Variants in TSNARE1 observed in about 807,000 individuals in gnomAD.
TSNARE1 encodes t-SNARE domain-containing protein 1.
TSNARE1 carries 49 observed loss-of-function variants against 62.0 expected under a neutral mutation model. The ratio of observed to expected loss-of-function variants is 0.79; its 90% CI spans 0.63 to 1.00. The LOEUF is 1.00. Ranked by LOEUF, TSNARE1 falls within the 50% of genes least tolerant of loss-of-function variation. TSNARE1 has a pLI of 0.00. For missense variants in TSNARE1, 755 were observed against 700.1 expected, an observed-to-expected ratio of 1.08 and a Z score of -0.88; for synonymous variants, 328 against 294.4, an observed-to-expected ratio of 1.11 and a Z score of -1.17.
chr8:142,312,432 AG>A (rs1827746614), intron 9 of TSNARE1, among the ~76,000 whole-genome samples: 1 of 152,152 alleles, frequency 6.6e-6, no homozygotes, highest in East Asian at 1.9e-4. Context: ...CTGTCTTTGG[AG>A]AGACAACATA....
intron 2 of TSNARE1, among the ~76,000 whole-genome samples, chr8:142,354,272 G>C (rs535449041): frequency 6.6e-6 from 1 of 152,126 alleles, no homozygotes; most frequent in South Asian, 2.1e-4. Context: ...TCTGTACAGA[G>C]TGCAAAGTGC....
intron 12 of TSNARE1, chr8:142,269,424 T>C (rs1476234337): frequency 1.0e-6 from 1 of 985,254 alleles, no homozygotes; most frequent in Non-Finnish European, 1.2e-6. Context: ...AGGTTAAGAC[T>C]GTAACGCAAG....
intron 11 of TSNARE1, among the ~76,000 whole-genome samples, chr8:142,279,279 A>C (rs1195812465): frequency 6.6e-6 from 1 of 152,226 alleles, no homozygotes; most frequent in Non-Finnish European, 1.5e-5. Context: ...CGTGGAGAGG[A>C]AGGCCAGGCC....
intron 9 of TSNARE1, among the ~76,000 whole-genome samples, chr8:142,302,216 C>T (rs1456271950): frequency 6.6e-6 from 1 of 152,146 alleles, no homozygotes; most frequent in Admixed American, 6.5e-5. Context: ...AGCCCTGCCC[C>T]CAGATCCAGC....
At position 142,307,890 on chromosome 8, in the gene TSNARE1, G is replaced by A. The variant is rs1233840741; in HGVS notation, c.1131+6494C>T. 2.6e-5 allele frequency among the ~76,000 whole-genome samples: 4 copies of A among 152,242 alleles called. No homozygotes were observed. The East Asian group carries it at 7.7e-4, about 29-fold the overall frequency. On this transcript the variant is annotated intron_variant, in intron 9 of 13. Transcript: ENST00000524325. ...ACGCAGCCCACGCCCGGCTTTTGCA[G>A]AGGTTTTCACTCATGTTTGCTCTAG...
At chr8:142,344,596 GC>G in intron 3 of TSNARE1, 124 bp from the exon 4 acceptor site, 2 of 1,034,616 alleles carry the variant, frequency 1.9e-6, no homozygotes, top group Non-Finnish European at 2.7e-6. Flanking sequence ...CCTGGTCCTG[GC>G]CACCACCCCT....
intron 13 of TSNARE1, among the ~76,000 whole-genome samples, chr8:142,219,657 C>G (rs1816111772): frequency 1.3e-5 from 2 of 152,230 alleles, no homozygotes. Flanking sequence ...CACCTGCCTT[C>G]CTGCCTGTCC....
At chr8:142,336,625 C>T (rs915661190) in intron 4 of TSNARE1, among the ~76,000 whole-genome samples, 20 of 152,116 alleles carry the variant, frequency 1.3e-4, no homozygotes, top group African/African-American at 3.9e-4. Flanking sequence ...TTACAGGCAG[C>T]GCGGTCAGCA....
chr8:142,303,788 C>T (rs1037857300), intron 9 of TSNARE1, among the ~76,000 whole-genome samples: 13 of 152,228 alleles, frequency 8.5e-5, no homozygotes, highest in African/African-American at 7.2e-5. Context: ...TCTGCCGAGA[C>T]GGCTGGTGAC....
At position 142,354,692 on chromosome 8, in the gene TSNARE1, G is replaced by A; in HGVS notation, c.33C>T (p.Gly11=). The A allele has an allele frequency of 6.2e-7, 1 of 1,613,558 alleles. No individual in the cohort carries two copies. Among genetic ancestry groups the A allele is most frequent in the African/African-American group, 1.3e-5 (1 of 74,962 alleles). ...CCCCGAAAGGGCCACGGCTCCCCAG[G>A]CCACCTCCACGGGCGATGGATCCGT... is the stretch of plus-strand genomic sequence containing the variant. MSYGSIARGG[G]LGSRGPFGGP... Residue 11 remains glycine (G), a synonymous_variant, in exon 2 of 14, where the codon GGC becomes GGT. Transcript: ENST00000524325.
chr8:142,223,249 C>CATTCACTCACTCAT (rs1474243349), intron 13 of TSNARE1, among the ~76,000 whole-genome samples: 20 of 140,968 alleles, frequency 1.4e-4, no homozygotes, highest in Admixed American at 3.6e-4. Context: ...TCCACTCACT[C>CATTCACTCACTCAT]ACTCATTCAC....
At chr8:142,217,403 C>T (rs767240120) in intron 13 of TSNARE1, among the ~76,000 whole-genome samples, 9 of 151,820 alleles carry the variant, frequency 5.9e-5, no homozygotes, top group Non-Finnish European at 1.2e-4. Context: ...AGCAAGCAAG[C>T]AACGGCGTAA....
intron 1 of TSNARE1, among the ~76,000 whole-genome samples, chr8:142,372,980 C>G (rs1836019837): frequency 2.0e-5 from 3 of 152,226 alleles, no homozygotes; most frequent in Admixed American, 2.0e-4. Flanking sequence ...CCCCTGATTT[C>G]TGGACGCTTT....
At chr8:142,274,552 G>T in intron 12 of TSNARE1, 2 of 985,454 alleles carry the variant, frequency 2.0e-6, no homozygotes, top group Non-Finnish European at 2.4e-6. Flanking sequence ...ATACAAGAGA[G>T]GAGACGGTGC....
rs139421735 is a variant in TSNARE1 at position 142,223,313 on chromosome 8, C to T, written c.*11+6160G>A. On this transcript the variant is annotated intron_variant, in intron 13 of 13. Transcript: ENST00000524325. The stretch of plus-strand genomic sequence containing the variant: ...ACTCACTCAACCACTCACTCATTCA[C>T]TCACTCATTCACTCACTCGTTCACT... Among the ~76,000 whole-genome samples the T allele has an allele frequency of 5.2e-3, 328 of 62,578 alleles. 1 individual carries two copies. The highest frequency in any genetic ancestry group is 8.1e-3 in the South Asian group (15 of 1,846). The allele number at this position is 62,578 out of a possible 152,430, so 41.1% of individuals were successfully genotyped here. A position where few individuals can be genotyped will look rare whatever the true frequency, so the allele number is the denominator to read the frequency against.
At chr8:142,391,315 A>ACTCTGTAACAGACGCTGTACACTGCTGGG (rs1837509907) in intron 1 of TSNARE1, among the ~76,000 whole-genome samples, 2 of 99,706 alleles carry the variant, frequency 2.0e-5, no homozygotes, top group Admixed American at 1.1e-4. Context: ...ACACTGCTGG[A>ACTCTGTAACAGACGCTGTACACTGCTGGG]GACTCTGTAA....
intron 12 of TSNARE1, among the ~76,000 whole-genome samples, chr8:142,248,851 C>T (rs1340338743): frequency 1.3e-5 from 2 of 152,226 alleles, no homozygotes; most frequent in African/African-American, 2.4e-5. Flanking sequence ...CTGCCAGTCA[C>T]GGATGGTTCT....
At position 142,335,026 on chromosome 8, in the gene TSNARE1, G is replaced by A. The variant is rs139573376; in HGVS notation, c.746-3195C>T. 5.8e-3 allele frequency among the ~76,000 whole-genome samples: 888 copies of A among 152,284 alleles called. 11 individuals carry two copies. Among genetic ancestry groups the A allele is most frequent in the African/African-American group, 0.02 (835 of 41,546 alleles). On this transcript the variant is annotated intron_variant, in intron 4 of 13. Coordinates refer to ENST00000524325, the MANE Select transcript of TSNARE1 (RefSeq NM_145003.5). ...AGAATGGTAAATAGAAAAAAGATAC[G>A]TTCATTTATTTAAAACACTATCGAT...
chr8:142,255,901 G>A (rs1414008818), intron 12 of TSNARE1, among the ~76,000 whole-genome samples: 50 of 544 alleles, frequency 0.092, no homozygotes, highest in Non-Finnish European at 0.093. Context: ...CACCACCACT[G>A]TCACCATCAC....
Sources: allele counts gnomAD v4.1 joint callset (sites outside exome capture counted in the v4.1 genomes callset), GRCh38; gene constraint gnomAD v4.1.1; transcripts MANE v1.5; gene names NCBI Gene and HGNC (gene_info 2026-07-23, HGNC 2026-07-21).